PCDHGA1: variants seen among roughly 807,000 people sequenced by gnomAD.
The protein encoded by PCDHGA1 is protocadherin gamma-A1.
In PCDHGA1, 32 loss-of-function variants were observed where a neutral mutation model predicts 58.0. The observed-to-expected ratio is 0.55, with a 90% CI of 0.42 to 0.74. The LOEUF (loss-of-function observed/expected upper bound fraction) is 0.74, where lower values mean the gene tolerates loss of function less well. Ranked by LOEUF, PCDHGA1 falls within the 30% of genes least tolerant of loss-of-function variation. The pLI is 0.00. For synonymous variants in PCDHGA1, 498 were observed against 501.1 expected (o/e 0.99, Z 0.08); for missense variants, 1,205 against 1,182.3 (o/e 1.02, Z -0.28).
intron 1 of PCDHGA1, chr5:141,421,405 C>T (rs2096570069): frequency 6.2e-7 from 1 of 1,614,074 alleles, no homozygotes; most frequent in African/African-American, 1.3e-5. Context: ...GCCCCGGGAG[C>T]TGGCGAAGCG....
chr5:141,409,341 G>C, intron 1 of PCDHGA1: 1 of 1,613,976 alleles, frequency 6.2e-7, no homozygotes, highest in Non-Finnish European at 8.5e-7. Flanking sequence ...GGAGGAAATG[G>C]AGAAGTCAGG....
chr5:141,372,977 T>G, intron 1 of PCDHGA1: 1 of 661,716 alleles, frequency 1.5e-6, no homozygotes, highest in Non-Finnish European at 2.5e-6. Flanking sequence ...CTGTAGAATA[T>G]CTGTGTTGCA....
chr5:141,415,759 T>TG (rs2095937522), intron 1 of PCDHGA1: 3 of 1,352,056 alleles, frequency 2.2e-6, no homozygotes, highest in Non-Finnish European at 2.9e-6. Flanking sequence ...TTTTTTTTTT[T>TG]TTTTTTTTTT....
At chr5:141,376,460 A>G (rs1437479138) in intron 1 of PCDHGA1, 3 of 1,614,038 alleles carry the variant, frequency 1.9e-6, no homozygotes, top group Non-Finnish European at 2.5e-6. Context: ...GCCTCTTCTG[A>G]TAACTCAGGA....
intron 1 of PCDHGA1, chr5:141,415,748 T>TTG (rs2095929710): frequency 9.9e-7 from 1 of 1,008,886 alleles, no homozygotes; most frequent in South Asian, 2.7e-5. Context: ...AGGTTTTTTT[T>TTG]TTTTTTTTTT....
At chr5:141,412,273 C>T (rs1007252273) in intron 1 of PCDHGA1, 4 of 152,206 alleles carry the variant, frequency 2.6e-5, no homozygotes, top group Admixed American at 6.5e-5. Flanking sequence ...ACTTTTAGTA[C>T]TTCAAATTCT....
rs1429860093 is a variant in PCDHGA1, at chr5:141,487,828, C to A, written c.2422-6979C>A. 3 of 1,184,120 alleles carry A rather than the reference C, an allele frequency of 2.5e-6. No individual in the cohort carries two copies. The highest frequency in any genetic ancestry group is 1.5e-5 in the African/African-American group (1 of 64,540). The allele number at this position is 1,184,120 out of a possible 1,614,324, so 73.4% of individuals were successfully genotyped here. A position where few individuals can be genotyped will look rare whatever the true frequency, so the allele number is the denominator to read the frequency against. ...AGTTTAGCATTGGGGGCGGGTCATG[C>A]CTATATCTGAGTAAGAAATGAAAGT... On this transcript the variant is annotated intron_variant, in intron 1 of 3. Coordinates refer to ENST00000517417, the MANE Select transcript of PCDHGA1 (RefSeq NM_018912.3). The surrounding 1 kb of genome is among the most constrained non-coding windows in gnomAD (Gnocchi z 5.0).
At chr5:141,461,663 G>C (rs1230719552) in intron 1 of PCDHGA1, among the ~76,000 whole-genome samples, 1 of 151,984 alleles carries the variant, frequency 6.6e-6, no homozygotes, top group Admixed American at 6.6e-5. Flanking sequence ...TTATTTTAAA[G>C]TTTGTTATTT....
rs759576434 is a variant in PCDHGA1 at position 141,432,109 on chromosome 5, G to C, written c.2422-62698G>C. Reference sequence around the variant, plus strand: ...TGGCAGACACCAACGACAACCCGCCGGTCTTCCCTCAGGCCTCCTATTCCG... The same window carrying C: ...TGGCAGACACCAACGACAACCCGCCCGTCTTCCCTCAGGCCTCCTATTCCG... On this transcript the variant is annotated intron_variant, in intron 1 of 3. Transcript: ENST00000517417. The surrounding 1 kb of genome is among the most constrained non-coding windows in gnomAD (Gnocchi z 6.0). 9 of 1,613,972 alleles carry C rather than the reference G, an allele frequency of 5.6e-6. No homozygotes were observed. In the African/African-American group the frequency reaches 9.3e-5, roughly 17 times the overall value.
At chr5:141,370,549 A>C in intron 1 of PCDHGA1, 1 of 1,613,956 alleles carries the variant, frequency 6.2e-7, no homozygotes, top group Non-Finnish European at 8.5e-7. Flanking sequence ...AACCTCGCCA[A>C]GGACCTGGGG....
chr5:141,502,866 CTTTT>C (rs549047197), intron 2 of PCDHGA1, among the ~76,000 whole-genome samples: 1 of 128,042 alleles, frequency 7.8e-6, no homozygotes. Context: ...GACTCTCTGT[CTTTT>C]TTTTTTTTTT....
At chr5:141,419,658 A>T in intron 1 of PCDHGA1, 2 of 1,612,782 alleles carry the variant, frequency 1.2e-6, no homozygotes, top group Non-Finnish European at 1.7e-6. Flanking sequence ...GACTCGGGGC[A>T]CAATGCCTGG....
intron 1 of PCDHGA1, chr5:141,371,244 A>G (rs1767599935): frequency 1.2e-6 from 2 of 1,613,920 alleles, no homozygotes; most frequent in South Asian, 2.2e-5. Context: ...CTTCATCAAT[A>G]TTGGCAAGGA....
chr5:141,394,033 G>A, intron 1 of PCDHGA1: 7 of 1,613,540 alleles, frequency 4.3e-6, no homozygotes, highest in Non-Finnish European at 5.9e-6. Context: ...TTAGTGACAA[G>A]GAAATATTTG....
chr5:141,432,665 G>A lies in PCDHGA1; in HGVS notation c.2422-62142G>A. 1 of 1,613,896 alleles carries A rather than the reference G, an allele frequency of 6.2e-7. No individual in the cohort carries two copies. Among genetic ancestry groups the A allele is most frequent in the Non-Finnish European group, 8.5e-7 (1 of 1,179,956 alleles). On this transcript the variant is annotated intron_variant, in intron 1 of 3. Coordinates refer to ENST00000517417, the MANE Select transcript of PCDHGA1 (RefSeq NM_018912.3). The surrounding 1 kb of genome is among the most constrained non-coding windows in gnomAD (Gnocchi z 6.0). ...CACGGCGCGAGCCCTGCTGGACAGA[G>A]ACGCGCTCAAGCAGAGCCTCGTAGT... is the stretch of plus-strand genomic sequence containing the variant.
Position 141,375,230 on chromosome 5 carries a change from A to G in PCDHGA1, c.2421+42125A>G. ...AGACTCTGGCCTGAATGGCCTGGTA[A>G]CCTGTTCCATCCCGAGAAGTCTCCC... On this transcript the variant is annotated intron_variant, in intron 1 of 3. Coordinates refer to ENST00000517417, the MANE Select transcript of PCDHGA1 (RefSeq NM_018912.3). 2 of 1,613,988 alleles carry G rather than the reference A, an allele frequency of 1.2e-6. No individual in the cohort carries two copies. The highest frequency in any genetic ancestry group is 8.5e-7 in the Non-Finnish European group (1 of 1,179,900).
At position 141,332,910 on chromosome 5, in the gene PCDHGA1, C is replaced by T. The variant is rs577415293; in HGVS notation, c.2226C>T (p.Gly742=). The change falls in exon 1 of 4, where the codon GGC becomes GGT. Residue 742 remains glycine (G), a synonymous_variant. Transcript: ENST00000517417. The surrounding 1 kb of genome is among the most constrained non-coding windows in gnomAD (Gnocchi z 4.6). ...LASMPGSHFV[G]VDGVRAFLQT... ...GCATGCCCGGTTCGCACTTTGTGGG[C>T]GTGGACGGGGTTCGGGCTTTCCTGC... 2.3e-5 allele frequency: 37 copies of T among 1,614,220 alleles called. No individual in the cohort carries two copies. In the East Asian group the frequency reaches 2.5e-4, roughly 11 times the overall value.
chr5:141,391,293 A>G (rs1043661475), intron 1 of PCDHGA1: 15 of 151,834 alleles, frequency 9.9e-5, no homozygotes, highest in Admixed American at 3.3e-4. Context: ...AAAGAAGGAA[A>G]CGTCTTTCGA....
chr5:141,447,135 GT>G (rs905717632), intron 1 of PCDHGA1, among the ~76,000 whole-genome samples: 1 of 151,698 alleles, frequency 6.6e-6, no homozygotes, highest in South Asian at 2.1e-4. Flanking sequence ...TTGTTTGTTT[GT>G]TTTTTGTTTT....
Sources: allele counts gnomAD v4.1 joint callset (sites outside exome capture counted in the v4.1 genomes callset), GRCh38; gene constraint gnomAD v4.1.1; non-coding constraint Gnocchi (gnomAD v3.1); transcripts MANE v1.5; gene names NCBI Gene and HGNC (gene_info 2026-07-23, HGNC 2026-07-21).